The following PLA2G12B variants were observed in gnomAD, a reference collection of about 807,000 sequenced individuals.
The protein encoded by PLA2G12B is phospholipase A2 group XIIB.
In PLA2G12B, 19 loss-of-function variants were observed where a neutral mutation model predicts 22.3. The observed-to-expected ratio is 0.85, with a 90% CI of 0.60 to 1.25. The LOEUF is 1.25. Among genes scored for constraint, PLA2G12B ranks in the 50% most tolerant of loss-of-function variants. The pLI is 0.00. For missense variants in PLA2G12B, 191 were observed against 246.6 expected (o/e 0.77, Z 1.51); for synonymous variants, 81 against 94.9 (o/e 0.85, Z 0.85).
rs569715668 is a variant in PLA2G12B, at chr10:72,952,895, G to A, written c.211+1580C>T. Among the ~76,000 whole-genome samples, 6 of 152,282 alleles carry A rather than the reference G, an allele frequency of 3.9e-5. No individual in the cohort carries two copies. The South Asian group carries it at 1.0e-3, about 26-fold the overall frequency. On this transcript the variant is annotated intron_variant, in intron 1 of 3. Coordinates refer to ENST00000373032, the MANE Select transcript of PLA2G12B (RefSeq NM_032562.5). Reference sequence around the variant, plus strand: ...TGCTTAAGTCTTTTAATGCTGTTTTGCTAGAGAAGGAAGAATAGGATTTGG... The same window carrying A: ...TGCTTAAGTCTTTTAATGCTGTTTTACTAGAGAAGGAAGAATAGGATTTGG...
rs1473622334 is a variant in PLA2G12B, at chr10:72,954,753, A to C, written c.-68T>G. 3.9e-6 allele frequency: 6 copies of C among 1,523,742 alleles called. No individual in the cohort carries two copies. Among genetic ancestry groups the C allele is most frequent in the Non-Finnish European group, 5.4e-6 (6 of 1,108,386 alleles). 94.4% of individuals were successfully genotyped at this position (1,523,742 alleles called of 1,614,324 possible). The stretch of plus-strand genomic sequence containing the variant: ...CCAGTGTCCCAGAATTCCAGGGACA[A>C]ACCCCCTACCCAGATGTCAGGCAGG... On this transcript the variant is annotated 5_prime_UTR_variant, in exon 1 of 4. Coordinates refer to ENST00000373032, the MANE Select transcript of PLA2G12B (RefSeq NM_032562.5).
intron 2 of PLA2G12B, 56 bp downstream of exon 2, chr10:72,942,596 A>T: frequency 7.3e-7 from 1 of 1,364,380 alleles, no homozygotes; most frequent in Non-Finnish European, 1.0e-6. Flanking sequence ...GGATAACTCT[A>T]GGATTGCTCT....
chr10:72,950,933 C>T (rs1457601988), intron 1 of PLA2G12B, among the ~76,000 whole-genome samples: 1 of 152,176 alleles, frequency 6.6e-6, no homozygotes, highest in Non-Finnish European at 1.5e-5. Flanking sequence ...GTCGTTGTTC[C>T]CTCGAGGGAC....
rs182151361 is a variant in PLA2G12B at position 72,934,860 on chromosome 10, T to C, written c.*757A>G. ...CACTCCCGACAGGCTGCAGGGACTT[T>C]TCCTAGCTAGCTCCATCAGTAACTC... is the stretch of plus-strand genomic sequence containing the variant. On this transcript the variant is annotated 3_prime_UTR_variant, in exon 4 of 4. Transcript: ENST00000373032. Among the ~76,000 whole-genome samples, 3 of 152,346 alleles carry C rather than the reference T, an allele frequency of 2.0e-5. No individual in the cohort carries two copies. Among genetic ancestry groups the C allele is most frequent in the East Asian group, 3.9e-4 (2 of 5,194 alleles).
At chr10:72,953,615 G>A (rs1347381114) in intron 1 of PLA2G12B, among the ~76,000 whole-genome samples, 1 of 152,068 alleles carries the variant, frequency 6.6e-6, no homozygotes, top group Non-Finnish European at 1.5e-5. Context: ...GCAATTACAC[G>A]ATGCCACCCA....
At chr10:72,947,702 C>G (rs1846465117) in intron 1 of PLA2G12B, among the ~76,000 whole-genome samples, 1 of 152,210 alleles carries the variant, frequency 6.6e-6, no homozygotes, top group Non-Finnish European at 1.5e-5. Context: ...CAGTCATTCC[C>G]TGTCTCAGGC....
At chr10:72,947,481 C>A (rs1846462261) in intron 1 of PLA2G12B, among the ~76,000 whole-genome samples, 1 of 152,108 alleles carries the variant, frequency 6.6e-6, no homozygotes, top group Admixed American at 6.5e-5. Context: ...CTGAAGCTAT[C>A]CATCCATCTC....
intron 1 of PLA2G12B, among the ~76,000 whole-genome samples, chr10:72,950,764 G>A (rs1846517850): frequency 6.6e-6 from 1 of 152,218 alleles, no homozygotes; most frequent in African/African-American, 2.4e-5. Context: ...ACAATAGACA[G>A]ATATTTAAAG....
intron 3 of PLA2G12B, among the ~76,000 whole-genome samples, chr10:72,936,958 T>C (rs1002945032): frequency 2.6e-5 from 4 of 152,154 alleles, no homozygotes; most frequent in Admixed American, 1.3e-4. Flanking sequence ...CCCAGCACTT[T>C]GGGAGGCCGA....
At position 72,935,548 on chromosome 10, in the gene PLA2G12B, C is replaced by T. The variant is rs113773075; in HGVS notation, c.*69G>A. 4.2e-5 allele frequency: 67 copies of T among 1,591,180 alleles called. No individual in the cohort carries two copies. In the African/African-American group the frequency reaches 6.4e-4, roughly 15 times the overall value. On this transcript the variant is annotated 3_prime_UTR_variant, in exon 4 of 4. Coordinates refer to ENST00000373032, the MANE Select transcript of PLA2G12B (RefSeq NM_032562.5). ...GAAGAACGAATGAGTCACGCTGACTCGAAGACTTGACATCTTGAAGGCTGA... is the reference window on the plus strand; with the variant it reads ...GAAGAACGAATGAGTCACGCTGACTTGAAGACTTGACATCTTGAAGGCTGA...
rs1554833513 is a variant in PLA2G12B, at chr10:72,940,486, A to AG, written c.466+682_466+683insC. ...AGCACTTTGGGAGGCTGAGGCGGGC[A>AG]ACATGGGCAACCCCATCTCTACTAA... On this transcript the variant is annotated intron_variant, in intron 3 of 3. Transcript: ENST00000373032. 9.9e-4 allele frequency among the ~76,000 whole-genome samples: 129 copies of AG among 130,256 alleles called. 1 individual carries two copies. Among genetic ancestry groups the AG allele is most frequent in the African/African-American group, 3.4e-3 (73 of 21,332 alleles). The allele number at this position is 130,256 out of a possible 152,430, so 85.5% of individuals were successfully genotyped here.
intron 1 of PLA2G12B, among the ~76,000 whole-genome samples, chr10:72,944,704 A>G (rs1216250376): frequency 6.6e-6 from 1 of 152,268 alleles, no homozygotes; most frequent in East Asian, 1.9e-4. Context: ...AGAATATCTC[A>G]TAAAAATCCA....
Position 72,935,539 on chromosome 10 carries a change from A to T in PLA2G12B, c.*78T>A. The T allele has an allele frequency of 6.3e-7, 1 of 1,576,192 alleles. No individual in the cohort carries two copies. The highest frequency in any genetic ancestry group is 1.2e-5 in the South Asian group (1 of 84,726). On this transcript the variant is annotated 3_prime_UTR_variant, in exon 4 of 4. Coordinates refer to ENST00000373032, the MANE Select transcript of PLA2G12B (RefSeq NM_032562.5). ...AAACTGTTGGAAGAACGAATGAGTCACGCTGACTCGAAGACTTGACATCTT... is the reference window on the plus strand; with the variant it reads ...AAACTGTTGGAAGAACGAATGAGTCTCGCTGACTCGAAGACTTGACATCTT...
intron 1 of PLA2G12B, among the ~76,000 whole-genome samples, chr10:72,952,366 C>T (rs1589547821): frequency 1.3e-5 from 2 of 152,316 alleles, no homozygotes; most frequent in East Asian, 3.9e-4. Context: ...TGGTGGCGCA[C>T]ACCTGTAGCC....
At chr10:72,943,213 G>A (rs918942012) in intron 1 of PLA2G12B, among the ~76,000 whole-genome samples, 3 of 152,028 alleles carry the variant, frequency 2.0e-5, no homozygotes, top group African/African-American at 7.2e-5. Flanking sequence ...TGATCCACCC[G>A]CCTTGGCCTC....
chr10:72,939,666 A>T (rs937065250), intron 3 of PLA2G12B, among the ~76,000 whole-genome samples: 2 of 152,212 alleles, frequency 1.3e-5, no homozygotes, highest in African/African-American at 4.8e-5. Flanking sequence ...CTGTGTTTTG[A>T]TTCACCAGGT....
chr10:72,942,556 C>A, intron 2 of PLA2G12B, 96 bp downstream of exon 2: 1 of 1,040,700 alleles, frequency 9.6e-7, no homozygotes, highest in South Asian at 1.8e-5. Context: ...TATTCTTCAA[C>A]TTTTTTCCAG....
chr10:72,948,336 C>T (rs1311235709), intron 1 of PLA2G12B, among the ~76,000 whole-genome samples: 2 of 152,130 alleles, frequency 1.3e-5, no homozygotes, highest in Non-Finnish European at 1.5e-5. Context: ...AATTCCTATC[C>T]GGCCTGCAGC....
chr10:72,950,160 G>C (rs2132980095), intron 1 of PLA2G12B, among the ~76,000 whole-genome samples: 1 of 152,262 alleles, frequency 6.6e-6, no homozygotes, highest in South Asian at 2.1e-4. Flanking sequence ...CATAAAGTAG[G>C]GTGAGCAACT....
Sources: allele counts gnomAD v4.1 joint callset (sites outside exome capture counted in the v4.1 genomes callset), GRCh38; gene constraint gnomAD v4.1.1; transcripts MANE v1.5; gene names NCBI Gene and HGNC (gene_info 2026-07-23, HGNC 2026-07-21).